Variants in FOCAD observed in about 807,000 individuals in gnomAD.
The protein encoded by FOCAD is KIAA1797.
FOCAD carries 198 observed loss-of-function variants against 225.6 expected under a neutral mutation model. That is an observed-to-expected ratio of 0.88 (90% confidence interval 0.78 to 0.99). The LOEUF is 0.99. FOCAD is among the 50% of genes least tolerant of loss of function. The pLI, the probability that FOCAD is intolerant of heterozygous loss-of-function variation, is 0.00. For synonymous variants in FOCAD, 897 were observed against 755.0 expected (o/e 1.19, Z -3.08); for missense variants, 2,713 against 2,123.6 (o/e 1.28, Z -5.46).
chr9:20,871,469 G>A (rs1829760184), intron 18 of FOCAD, among the ~76,000 whole-genome samples: 1 of 151,774 alleles, frequency 6.6e-6, no homozygotes. Flanking sequence ...GAGTTCTCTT[G>A]ATTCTCTATA....
In FOCAD at chr9:20,743,947, C is replaced by T. The variant is rs191585830; in HGVS notation, c.392+3607C>T. ...AAGAAGTCTGTATCTTCCTAAGTAC[C>T]AAGGCACCAAGTTTGTCTTACATGT... is the stretch of plus-strand genomic sequence containing the variant. On this transcript the variant is annotated intron_variant, in intron 5 of 43. Transcript: ENST00000338382. Among the ~76,000 whole-genome samples the T allele has an allele frequency of 6.3e-3, 959 of 152,182 alleles. 10 individuals are homozygous for T. Among genetic ancestry groups the T allele is most frequent in the Middle Eastern group, 0.031 (9 of 294 alleles).
At chr9:20,933,571 A>T in intron 28 of FOCAD, among the ~76,000 whole-genome samples, 1 of 150,846 alleles carries the variant, frequency 6.6e-6, no homozygotes, top group African/African-American at 2.4e-5. Flanking sequence ...GTGTGTGTGT[A>T]TGTGTGTGTG....
intron 11 of FOCAD, among the ~76,000 whole-genome samples, chr9:20,799,581 G>C (rs533385849): frequency 6.6e-6 from 1 of 152,144 alleles, no homozygotes; most frequent in Non-Finnish European, 1.5e-5. Flanking sequence ...TTATTGAATT[G>C]ATCCCTTTAC....
rs373088310 is a variant in FOCAD, at chr9:20,700,862, C to T, written c.-32-14460C>T. On this transcript the variant is annotated intron_variant, in intron 1 of 43. Coordinates refer to ENST00000338382, the MANE Select transcript of FOCAD (RefSeq NM_001375567.1). Reference sequence around the variant, plus strand: ...CAATAATTCAGCAAACATTTATTAACTGCTTATTCCATGCCAGACCCTGAA... The same window carrying T: ...CAATAATTCAGCAAACATTTATTAATTGCTTATTCCATGCCAGACCCTGAA... 1.6e-4 allele frequency among the ~76,000 whole-genome samples: 25 copies of T among 152,340 alleles called. No homozygotes were observed. In the East Asian group the frequency reaches 2.3e-3, roughly 14 times the overall value.
At chr9:20,794,545 C>G (rs111498714) in intron 11 of FOCAD, among the ~76,000 whole-genome samples, 11 of 152,124 alleles carry the variant, frequency 7.2e-5, no homozygotes, top group Admixed American at 2.6e-4. Flanking sequence ...CCAGAAAACT[C>G]TTTCCCTGAG....
intron 15 of FOCAD, 24 bp downstream of exon 15, chr9:20,823,139 G>A (rs755852617): frequency 1.3e-6 from 2 of 1,594,902 alleles, no homozygotes; most frequent in Admixed American, 1.8e-5. Context: ...AATTGCTTTG[G>A]ATAATTTTGA....
chr9:20,936,821 A>G (rs926673139), intron 28 of FOCAD, among the ~76,000 whole-genome samples: 1 of 152,252 alleles, frequency 6.6e-6, no homozygotes, highest in Non-Finnish European at 1.5e-5. Flanking sequence ...TTGTATATCT[A>G]GAAAACCCCA....
intron 11 of FOCAD, among the ~76,000 whole-genome samples, chr9:20,798,598 T>G (rs1821408898): frequency 6.6e-6 from 1 of 152,286 alleles, no homozygotes; most frequent in East Asian, 1.9e-4. Flanking sequence ...GTCGAGGAAT[T>G]TATCCATTTC....
chr9:20,911,604 G>T (rs1478521513), intron 22 of FOCAD, among the ~76,000 whole-genome samples: 2 of 152,130 alleles, frequency 1.3e-5, no homozygotes, highest in Non-Finnish European at 2.9e-5. Flanking sequence ...AATAACGGTA[G>T]CTATTATTTG....
At chr9:20,838,631 A>G (rs543188971) in intron 15 of FOCAD, among the ~76,000 whole-genome samples, 42 of 152,190 alleles carry the variant, frequency 2.8e-4, no homozygotes, top group African/African-American at 9.9e-4. Context: ...TACTCTATCC[A>G]TGTTATGGAC....
intron 29 of FOCAD, among the ~76,000 whole-genome samples, chr9:20,945,004 CA>C (rs1837043313): frequency 6.6e-6 from 1 of 152,156 alleles, no homozygotes; most frequent in Admixed American, 6.5e-5. Flanking sequence ...TTAGTGAATA[CA>C]AAACCTAACT....
At chr9:20,938,444 G>A (rs9695714) in intron 28 of FOCAD, among the ~76,000 whole-genome samples, 51,110 of 151,914 alleles carry the variant, frequency 0.34, 8,850 homozygotes, top group East Asian at 0.46. Flanking sequence ...CATGGATGAA[G>A]CTGGAAACCA....
chr9:20,749,924 T>C (rs572451207), intron 5 of FOCAD, among the ~76,000 whole-genome samples: 2 of 152,334 alleles, frequency 1.3e-5, no homozygotes, highest in Non-Finnish European at 2.9e-5. Context: ...ACAGATTTTA[T>C]CATTGCCTCT....
intron 35 of FOCAD, among the ~76,000 whole-genome samples, chr9:20,970,114 T>C (rs1263423398): frequency 6.6e-6 from 1 of 152,118 alleles, no homozygotes; most frequent in African/African-American, 2.4e-5. Context: ...CACTTCTCTT[T>C]GCTGCTTTCA....
chr9:20,835,911 C>A (rs189796415), intron 15 of FOCAD, among the ~76,000 whole-genome samples: 1 of 152,006 alleles, frequency 6.6e-6, no homozygotes, highest in South Asian at 2.1e-4. Flanking sequence ...GGAGGAGGGG[C>A]GGCCTTTCCT....
intron 1 of FOCAD, among the ~76,000 whole-genome samples, chr9:20,700,587 A>G (rs190496237): frequency 7.2e-5 from 11 of 152,126 alleles, no homozygotes; most frequent in African/African-American, 1.7e-4. Flanking sequence ...ATTATCATCA[A>G]TTCCTAAATG....
At chr9:20,969,263 C>G (rs1230317722) in intron 35 of FOCAD, among the ~76,000 whole-genome samples, 1 of 152,026 alleles carries the variant, frequency 6.6e-6, no homozygotes, top group African/African-American at 2.4e-5. Context: ...TGGAACTGTT[C>G]TAGCTATGCC....
At chr9:20,721,194 A>G (rs1183721798) in intron 4 of FOCAD, among the ~76,000 whole-genome samples, 1 of 152,148 alleles carries the variant, frequency 6.6e-6, no homozygotes, top group East Asian at 1.9e-4. Flanking sequence ...TGCTTCAAGA[A>G]ATTGTCTTGA....
intron 2 of FOCAD, among the ~76,000 whole-genome samples, chr9:20,669,434 C>T (rs937888010): frequency 1.3e-5 from 2 of 152,130 alleles, no homozygotes; most frequent in Admixed American, 6.5e-5. Flanking sequence ...AACTTATCCT[C>T]GTCAAGATTG....
Sources: gnomAD v4.1 joint callset for allele counts (sites outside exome capture counted in the v4.1 genomes callset) on GRCh38, gnomAD v4.1.1 for gene constraint, MANE v1.5 for transcripts, NCBI Gene and HGNC (gene_info 2026-07-23, HGNC 2026-07-21) for gene names.